The following CSMD1 variants were observed in gnomAD, a reference collection of about 807,000 sequenced individuals.
CSMD1 encodes CUB and Sushi multiple domains 1.
In CSMD1, 213 loss-of-function variants were observed where a neutral mutation model predicts 417.5. That is an observed-to-expected ratio of 0.51 (90% CI 0.46 to 0.57). The LOEUF is 0.57. Among genes scored for constraint, CSMD1 ranks in the 20% least tolerant of loss-of-function variants. The probability of loss-of-function intolerance (pLI) is 0.00; values close to 1 mark genes in which losing one functional copy is unlikely to be tolerated. For synonymous variants in CSMD1, 2,862 were observed against 1,736.8 expected (o/e 1.65, Z -16.11); for missense variants, 6,923 against 4,529.7 (o/e 1.53, Z -15.17).
intron 41 of CSMD1, among the ~76,000 whole-genome samples, chr8:3,137,023 A>C (rs76528589): frequency 6.6e-6 from 1 of 152,126 alleles, no homozygotes; most frequent in Admixed American, 6.6e-5. Context: ...GTTTCAATAC[A>C]TATAATCTAA....
intron 1 of CSMD1, among the ~76,000 whole-genome samples, chr8:4,982,298 G>A (rs1002273281): frequency 6.6e-6 from 1 of 152,184 alleles, no homozygotes; most frequent in East Asian, 1.9e-4. Flanking sequence ...GTATTCAAAT[G>A]GGAGATTGCT....
intron 3 of CSMD1, among the ~76,000 whole-genome samples, chr8:4,354,473 T>C (rs1454302199): frequency 6.6e-6 from 1 of 152,060 alleles, no homozygotes; most frequent in African/African-American, 2.4e-5. Flanking sequence ...TTATAATACA[T>C]GGGGTGGAAT....
At chr8:4,211,758 C>T (rs1393017401) in intron 3 of CSMD1, among the ~76,000 whole-genome samples, 2 of 152,158 alleles carry the variant, frequency 1.3e-5, no homozygotes, top group African/African-American at 4.8e-5. Context: ...AAATGTCAAC[C>T]TCCTTCACAA....
At chr8:3,799,924 C>G (rs988234035) in intron 5 of CSMD1, among the ~76,000 whole-genome samples, 18 of 152,272 alleles carry the variant, frequency 1.2e-4, no homozygotes, top group Middle Eastern at 6.8e-3. Context: ...TTTCCTGTTT[C>G]TCAAATATCC....
chr8:4,335,188 G>T (rs762445061), intron 3 of CSMD1, among the ~76,000 whole-genome samples: 15 of 152,190 alleles, frequency 9.9e-5, no homozygotes, highest in African/African-American at 3.6e-4. Flanking sequence ...ACAGGTGTGA[G>T]CCACCATGGC....
chr8:4,849,732 A>G (rs1481844968), intron 1 of CSMD1, among the ~76,000 whole-genome samples: 1 of 152,204 alleles, frequency 6.6e-6, no homozygotes, highest in African/African-American at 2.4e-5. Flanking sequence ...TATACCATAC[A>G]TCCTAGGTCT....
At chr8:3,778,211 C>A (rs1471320143) in intron 5 of CSMD1, among the ~76,000 whole-genome samples, 1 of 152,108 alleles carries the variant, frequency 6.6e-6, no homozygotes, top group Non-Finnish European at 1.5e-5. Context: ...GCCGTTTGTC[C>A]TTTAGAGGTC....
At position 3,930,340 on chromosome 8, in the gene CSMD1, C is replaced by T. The variant is rs747880177; in HGVS notation, c.818+67563G>A. The stretch of plus-strand genomic sequence containing the variant: ...CTAACACTCTTAAATATCTGCCAGC[C>T]ATAATAAAGAAATCAATGTATTTTA... On this transcript the variant is annotated intron_variant, in intron 5 of 69. Coordinates refer to ENST00000635120, the MANE Select transcript of CSMD1 (RefSeq NM_033225.6). Among the ~76,000 whole-genome samples the T allele has an allele frequency of 2.5e-4, 37 of 150,572 alleles. 4 individuals carry two copies. The highest frequency in any genetic ancestry group is 5.4e-4 in the African/African-American group (22 of 40,840).
chr8:3,724,668 T>C (rs560499974), intron 6 of CSMD1, among the ~76,000 whole-genome samples: 1 of 152,268 alleles, frequency 6.6e-6, no homozygotes, highest in Admixed American at 6.5e-5. Context: ...ACCATGAGAA[T>C]TCAGGGAGTC....
intron 11 of CSMD1, among the ~76,000 whole-genome samples, chr8:3,479,847 T>C (rs777209829): frequency 2.0e-5 from 3 of 151,680 alleles, no homozygotes; most frequent in Non-Finnish European, 4.4e-5. Context: ...CATTTACAAA[T>C]TATCTGCAAA....
At chr8:4,244,844 G>C (rs1283656499) in intron 3 of CSMD1, among the ~76,000 whole-genome samples, 3 of 152,030 alleles carry the variant, frequency 2.0e-5, no homozygotes, top group African/African-American at 7.2e-5. Flanking sequence ...CCTCCTTCTG[G>C]TGTCATTGTA....
intron 1 of CSMD1, among the ~76,000 whole-genome samples, chr8:4,797,037 A>G (rs1466838133): frequency 6.6e-6 from 1 of 152,136 alleles, no homozygotes; most frequent in African/African-American, 2.4e-5. Flanking sequence ...ACTGTCAGCT[A>G]ATTCTTAAGA....
chr8:4,033,341 C>T (rs998894174), intron 3 of CSMD1, among the ~76,000 whole-genome samples: 1 of 152,066 alleles, frequency 6.6e-6, no homozygotes, highest in Non-Finnish European at 1.5e-5. Flanking sequence ...ACTTGGGAGG[C>T]TGAGGCAGGA....
chr8:4,157,076 GCCA>G (rs1796876100), intron 3 of CSMD1, among the ~76,000 whole-genome samples: 1 of 152,116 alleles, frequency 6.6e-6, no homozygotes, highest in South Asian at 2.1e-4. Context: ...GGATGGACCC[GCCA>G]TGGCCAGGGT....
In CSMD1 at chr8:3,684,735, G is replaced by T. The variant is rs549193723; in HGVS notation, c.1009+23679C>A. On this transcript the variant is annotated intron_variant, in intron 7 of 69. Transcript: ENST00000635120. Reference sequence around the variant, plus strand: ...GCCTCAGCCTCCAGAGGAGTAGCTGGGACCTGATACAGTTTTAAAATAGAG... The same window carrying T: ...GCCTCAGCCTCCAGAGGAGTAGCTGTGACCTGATACAGTTTTAAAATAGAG... Among the ~76,000 whole-genome samples the T allele has an allele frequency of 2.4e-4, 36 of 151,994 alleles. No homozygotes were observed. In the South Asian group the frequency reaches 5.4e-3, roughly 23 times the overall value.
chr8:4,692,524 G>A (rs578060934), intron 1 of CSMD1, among the ~76,000 whole-genome samples: 2 of 152,228 alleles, frequency 1.3e-5, no homozygotes, highest in South Asian at 4.1e-4. Flanking sequence ...TAATGTCTGA[G>A]TTAAGGAACA....
chr8:4,598,805 T>C (rs1025956899), intron 2 of CSMD1, among the ~76,000 whole-genome samples: 1 of 152,032 alleles, frequency 6.6e-6, no homozygotes. Flanking sequence ...ATAGGTTGAG[T>C]ATTAAATAGA....
At chr8:4,703,931 C>G (rs1187941385) in intron 1 of CSMD1, among the ~76,000 whole-genome samples, 1 of 152,158 alleles carries the variant, frequency 6.6e-6, no homozygotes, top group Non-Finnish European at 1.5e-5. Context: ...GCATTAGATT[C>G]TCACAAGTAG....
intron 1 of CSMD1, among the ~76,000 whole-genome samples, chr8:4,976,837 T>G (rs548527309): frequency 1.3e-5 from 2 of 152,270 alleles, no homozygotes; most frequent in East Asian, 3.9e-4. Flanking sequence ...TTTAAGTAAG[T>G]GCCACTTTGG....
Sources: gnomAD v4.1 joint callset for allele counts (sites outside exome capture counted in the v4.1 genomes callset) on GRCh38, gnomAD v4.1.1 for gene constraint, MANE v1.5 for transcripts, NCBI Gene and HGNC (gene_info 2026-07-23, HGNC 2026-07-21) for gene names.